The following ANKRD50 variants were observed in gnomAD, a reference collection of about 807,000 sequenced individuals.
The protein encoded by ANKRD50 is ankyrin repeat domain-containing protein 50.
ANKRD50 carries 40 observed loss-of-function variants against 112.0 expected under a neutral mutation model. That is an observed-to-expected ratio of 0.36 (90% CI 0.28 to 0.46). The LOEUF is 0.46. ANKRD50 is among the 20% of genes least tolerant of loss of function. The pLI is 1.00. For missense variants in ANKRD50, 1,487 were observed against 1,701.7 expected (o/e 0.87, Z 2.22); for synonymous variants, 613 against 619.1 (o/e 0.99, Z 0.15).
At chr4:124,686,407 C>G (rs114250370) in intron 2 of ANKRD50, among the ~76,000 whole-genome samples, 16 of 152,244 alleles carry the variant, frequency 1.1e-4, no homozygotes, top group African/African-American at 3.9e-4. Context: ...CGTTCACACT[C>G]GCTTGCTGCC....
intron 1 of ANKRD50, among the ~76,000 whole-genome samples, chr4:124,712,208 G>A (rs1725652207): frequency 1.3e-5 from 2 of 152,060 alleles, no homozygotes; most frequent in South Asian, 2.1e-4. Flanking sequence ...AGGGGGAGGG[G>A]GTGACTGAGG....
rs1730441483 is a variant in ANKRD50, at chr4:124,664,365, C to T, written c.*3153G>A. ...TCACTTTCTTCTTTGCAAAATGTTT[C>T]CAAATTCATTTGCTCAGGATTTATT... On this transcript the variant is annotated 3_prime_UTR_variant, in exon 5 of 5. Coordinates refer to ENST00000504087, the MANE Select transcript of ANKRD50 (RefSeq NM_020337.3). 1 of 151,950 alleles carries T rather than the reference C, an allele frequency of 6.6e-6. No individual in the cohort carries two copies. Among genetic ancestry groups the T allele is most frequent in the Non-Finnish European group, 1.5e-5 (1 of 67,884 alleles). The allele number at this position is 151,950 out of a possible 1,614,324, so 9.4% of individuals were successfully genotyped here. A position where few individuals can be genotyped will look rare whatever the true frequency, so the allele number is the denominator to read the frequency against.
intron 3 of ANKRD50, among the ~76,000 whole-genome samples, chr4:124,675,640 T>C (rs1396484456): frequency 6.6e-6 from 1 of 151,834 alleles, no homozygotes; most frequent in Non-Finnish European, 1.5e-5. Flanking sequence ...GTAATATTTG[T>C]GTATGTTGTC....
Position 124,670,838 on chromosome 4 carries a change from T to C in ANKRD50, c.2439A>G (p.Glu813=). 1.2e-6 allele frequency: 2 copies of C among 1,613,884 alleles called. No individual in the cohort carries two copies. The highest frequency in any genetic ancestry group is 1.7e-4 in the Middle Eastern group (1 of 6,054). Residue 813 remains glutamate, a synonymous_variant, in exon 4 of 5, where the codon GAA becomes GAG. Transcript: ENST00000504087. The stretch of plus-strand genomic sequence containing the variant: ...AAGCTATACTGAGGACTGTCCTACC[T>C]TCACTATCAATACTATCCACAGCTG... ...WGAAVDSIDS[E]GRTVLSIASA... is the part of the protein sequence containing the mutation.
chr4:124,679,380 T>G (rs1293220082), intron 2 of ANKRD50, among the ~76,000 whole-genome samples: 2 of 152,190 alleles, frequency 1.3e-5, no homozygotes. Context: ...TACTGCAGTT[T>G]ATACAAGCTC....
chr4:124,669,695 A>C lies in ANKRD50; in HGVS notation c.3582T>G (p.Thr1194=), dbSNP rs1730584676. The C allele has an allele frequency of 6.2e-7, 1 of 1,613,096 alleles. No homozygotes were observed. The highest frequency in any genetic ancestry group is 8.5e-7 in the Non-Finnish European group (1 of 1,179,688). Reference sequence around the variant, plus strand: ...TTTGAGCCGTTGCTGTAGATGAAGTAGTTCTCAAAGATGAATTTTTTGAGC... The same window carrying C: ...TTTGAGCCGTTGCTGTAGATGAAGTCGTTCTCAAAGATGAATTTTTTGAGC... The part of the protein sequence containing the change: ...LKSSKNSSLR[T]TSSTATAQTV... The change falls in exon 4 of 5, where the codon ACT becomes ACG. Residue 1194 remains threonine, a synonymous_variant. Coordinates refer to ENST00000504087, the MANE Select transcript of ANKRD50 (RefSeq NM_020337.3).
At chr4:124,677,840 G>A (rs1468981019) in intron 3 of ANKRD50, among the ~76,000 whole-genome samples, 1 of 151,902 alleles carries the variant, frequency 6.6e-6, no homozygotes, top group Non-Finnish European at 1.5e-5. Flanking sequence ...GAAAAGAAAG[G>A]AACGGTGACA....
chr4:124,681,831 T>G (rs1419326105), intron 2 of ANKRD50, among the ~76,000 whole-genome samples: 1 of 152,206 alleles, frequency 6.6e-6, no homozygotes, highest in Non-Finnish European at 1.5e-5. Flanking sequence ...TATCATCCAC[T>G]TAAAAATAAT....
chr4:124,711,760 T>TA (rs201656664), intron 1 of ANKRD50, among the ~76,000 whole-genome samples: 36,841 of 143,874 alleles, frequency 0.26, 4,938 homozygotes, highest in South Asian at 0.35. Flanking sequence ...GGAAACGGTT[T>TA]AAAAAAAAAA....
rs939838653 is a variant in ANKRD50 at position 124,691,462 on chromosome 4, G to A, written c.513-12557C>T. On this transcript the variant is annotated intron_variant, in intron 2 of 4. Transcript: ENST00000504087. ...AGCCGAGATTGCGCCACTGCAGTCC[G>A]CAGTCCGGCCTGGGCGACAGAGCGA... is the stretch of plus-strand genomic sequence containing the variant. 8.4e-5 allele frequency among the ~76,000 whole-genome samples: 10 copies of A among 118,438 alleles called. No homozygotes were observed. In the South Asian group the frequency reaches 8.5e-4, roughly 10 times the overall value. The allele number at this position is 118,438 out of a possible 152,430, so 77.7% of individuals were successfully genotyped here.
chr4:124,672,518 A>G lies in ANKRD50; in HGVS notation c.759T>C (p.Ser253=). 1 of 1,588,266 alleles carries G rather than the reference A, an allele frequency of 6.3e-7. No homozygotes were observed. The highest frequency in any genetic ancestry group is 8.5e-7 in the Non-Finnish European group (1 of 1,170,524). The change falls in exon 4 of 5, where the codon AGT becomes AGC. Residue 253 remains serine (S), a synonymous_variant. Transcript: ENST00000504087. ...TATATGCCTTCCGAAGGTCATCTAA[A>G]CTTATTTTTCGAAAACCTAAAGAAG... ...TKMFTGFRKI[S]LDDLRKAYIV...
Position 124,712,438 on chromosome 4 carries a change from C to T in ANKRD50, c.-764+20G>A. 1 of 159,908 alleles carries T rather than the reference C, an allele frequency of 6.3e-6. No homozygotes were observed. The highest frequency in any genetic ancestry group is 1.4e-5 in the Non-Finnish European group (1 of 73,816). 9.9% of individuals were successfully genotyped at this position (159,908 alleles called of 1,614,324 possible). Reference sequence around the variant, plus strand: ...GAGGGAGGGGCCTCGCTTCCACCGCCGCCGCCGCCCCCCGGTTACCTCGGC... The same window carrying T: ...GAGGGAGGGGCCTCGCTTCCACCGCTGCCGCCGCCCCCCGGTTACCTCGGC... On this transcript the variant is annotated intron_variant, in intron 1 of 4. Transcript: ENST00000504087.
At chr4:124,684,899 C>G (rs556931965) in intron 2 of ANKRD50, among the ~76,000 whole-genome samples, 16 of 152,156 alleles carry the variant, frequency 1.1e-4, no homozygotes, top group African/African-American at 3.4e-4. Flanking sequence ...TTTTTCCCCC[C>G]CATTCAGGAC....
intron 3 of ANKRD50, among the ~76,000 whole-genome samples, chr4:124,674,086 T>C (rs1275327352): frequency 1.3e-5 from 2 of 152,002 alleles, no homozygotes; most frequent in Non-Finnish European, 2.9e-5. Context: ...GTGTGTCCAT[T>C]TGCTTTTGAC....
chr4:124,683,771 A>AAC (rs1325875024), intron 2 of ANKRD50, among the ~76,000 whole-genome samples: 3 of 151,666 alleles, frequency 2.0e-5, no homozygotes, highest in Admixed American at 1.3e-4. Flanking sequence ...AAAAAAAAAA[A>AAC]AAATTGTTTG....
rs546475311 is a variant in ANKRD50 at position 124,675,857 on chromosome 4, T to C, written c.742+2819A>G. On this transcript the variant is annotated intron_variant, in intron 3 of 4. Transcript: ENST00000504087. ...TAGTTGTAGTCAAAATTGTGCTTAG[T>C]GCCAAAGTCATTTTCATTAGATTAA... Among the ~76,000 whole-genome samples the C allele has an allele frequency of 2.6e-5, 4 of 151,920 alleles. No homozygotes were observed. The East Asian group carries it at 7.7e-4, about 29-fold the overall frequency.
chr4:124,669,890 C>A lies in ANKRD50; in HGVS notation c.3387G>T (p.Gln1129His). ...AGCTATTTGATTTAATTGTTAATGACTGCACTTTTGAAGACAATGACTGTA... is the reference window on the plus strand; with the variant it reads ...AGCTATTTGATTTAATTGTTAATGAATGCACTTTTGAAGACAATGACTGTA... ...KPLQSLSSKV[Q>H]SLTIKSNSSG... The change falls in exon 4 of 5, where the codon CAG (glutamine) becomes CAT (histidine). Residue 1129 changes from glutamine (Q) to histidine (H), a missense_variant. By Grantham distance (24) the Gln-to-His change is conservative. Transcript: ENST00000504087. The A allele has an allele frequency of 6.2e-7, 1 of 1,613,434 alleles. No homozygotes were observed. Among genetic ancestry groups the A allele is most frequent in the Non-Finnish European group, 8.5e-7 (1 of 1,179,782 alleles).
chr4:124,679,343 A>ATT (rs1028343587), intron 2 of ANKRD50, among the ~76,000 whole-genome samples: 1 of 152,188 alleles, frequency 6.6e-6, no homozygotes, highest in African/African-American at 2.4e-5. Context: ...TAGTAGAAGT[A>ATT]TTTTATCACC....
intron 3 of ANKRD50, among the ~76,000 whole-genome samples, chr4:124,673,328 C>T (rs940586162): frequency 1.3e-5 from 2 of 151,962 alleles, no homozygotes; most frequent in African/African-American, 4.8e-5. Context: ...ATTCATCTTA[C>T]AGAACAAAAA....
Sources: gnomAD v4.1 joint callset for allele counts (sites outside exome capture counted in the v4.1 genomes callset) on GRCh38, gnomAD v4.1.1 for gene constraint, MANE v1.5 for transcripts, NCBI Gene and HGNC (gene_info 2026-07-23, HGNC 2026-07-21) for gene names.